Variants in UGT1A6 observed in about 807,000 individuals in gnomAD.
UGT1A6 encodes the protein UDP-glucuronosyltransferase 1A6.
UGT1A6 carries 32 observed loss-of-function variants against 44.4 expected under a neutral mutation model. That is an observed-to-expected ratio of 0.72 (90% CI 0.54 to 0.97). The LOEUF (loss-of-function observed/expected upper bound fraction) is 0.97, where lower values mean the gene tolerates loss of function less well. Ranked by LOEUF, UGT1A6 falls within the 50% of genes least tolerant of loss-of-function variation. The pLI is 0.00. For synonymous variants in UGT1A6, 238 were observed against 248.5 expected (o/e 0.96, Z 0.40); for missense variants, 685 against 661.9 (o/e 1.03, Z -0.38).
chr2:233,716,115 A>G (rs2076487299), intron 1 of UGT1A6, among the ~76,000 whole-genome samples: 1 of 152,126 alleles, frequency 6.6e-6, no homozygotes, highest in Non-Finnish European at 1.5e-5. Flanking sequence ...TAGTTTTTCC[A>G]TCTTAGTTTT....
At chr2:233,742,318 C>T (rs4663966) in intron 1 of UGT1A6, among the ~76,000 whole-genome samples, 10,868 of 151,974 alleles carry the variant, frequency 0.072, 603 homozygotes, top group East Asian at 0.2. Flanking sequence ...GTATTCCTTA[C>T]GGGAAACAAA....
intron 1 of UGT1A6, chr2:233,719,598 G>A (rs759062689): frequency 3.1e-6 from 5 of 1,613,992 alleles, no homozygotes; most frequent in Non-Finnish European, 2.5e-6. Flanking sequence ...GTTCCGAGGG[G>A]ACTTTGTGAT....
intron 1 of UGT1A6, chr2:233,743,825 T>G: frequency 7.3e-7 from 1 of 1,367,228 alleles, no homozygotes; most frequent in South Asian, 1.1e-5. Flanking sequence ...TTTGTCGGGG[T>G]GCCACTTGAG....
In UGT1A6 at chr2:233,693,101, C is replaced by A. The variant is rs1056441481; in HGVS notation, c.97C>A (p.Pro33Thr). The A allele has an allele frequency of 6.2e-7, 1 of 1,614,084 alleles. No individual in the cohort carries two copies. Among genetic ancestry groups the A allele is most frequent in the Non-Finnish European group, 8.5e-7 (1 of 1,180,024 alleles). Residue 33 changes from proline to threonine, a missense_variant, in exon 1 of 5, where the codon CCT becomes ACT. Coordinates refer to ENST00000305139, the MANE Select transcript of UGT1A6 (RefSeq NM_001072.4). ...MVVGDKLLVV[P>T]QDGSHWLSMK... ...TGTAGGTGACAAGCTGCTGGTGGTC[C>A]CTCAGGACGGAAGCCACTGGCTTAG...
chr2:233,701,326 A>G lies in UGT1A6; in HGVS notation c.861+7461A>G, dbSNP rs191744336. 5.9e-5 allele frequency among the ~76,000 whole-genome samples: 9 copies of G among 152,314 alleles called. No homozygotes were observed. The East Asian group carries it at 1.5e-3, about 26-fold the overall frequency. On this transcript the variant is annotated intron_variant, in intron 1 of 4. Transcript: ENST00000305139. ...TTCCACAATGGTTGAACTAGTTTACAGTCCCACCAACAGTGTAAAAGTTCT... is the reference window on the plus strand; with the variant it reads ...TTCCACAATGGTTGAACTAGTTTACGGTCCCACCAACAGTGTAAAAGTTCT...
At chr2:233,746,611 C>A (rs1265902828) in intron 1 of UGT1A6, among the ~76,000 whole-genome samples, 1 of 151,736 alleles carries the variant, frequency 6.6e-6, no homozygotes. Context: ...GTTCACCTGA[C>A]CCCTCCTTTC....
At chr2:233,748,043 G>C (rs1693846723) in intron 1 of UGT1A6, 13 of 1,613,298 alleles carry the variant, frequency 8.1e-6, no homozygotes, top group Non-Finnish European at 1.1e-5. Flanking sequence ...TCTTCATTGG[G>C]GGCATCAACT....
chr2:233,726,468 A>G (rs2077534050), intron 1 of UGT1A6, among the ~76,000 whole-genome samples: 1 of 152,184 alleles, frequency 6.6e-6, no homozygotes, highest in Non-Finnish European at 1.5e-5. Flanking sequence ...TCATTTCTTT[A>G]ACAGAAATTT....
At chr2:233,742,134 C>A (rs1691883024) in intron 1 of UGT1A6, among the ~76,000 whole-genome samples, 1 of 151,870 alleles carries the variant, frequency 6.6e-6, no homozygotes, top group South Asian at 2.1e-4. Context: ...AGACCCTAAC[C>A]CAGCAGCGCT....
intron 1 of UGT1A6, among the ~76,000 whole-genome samples, chr2:233,699,275 C>A (rs558468809): frequency 6.6e-6 from 1 of 152,208 alleles, no homozygotes; most frequent in East Asian, 1.9e-4. Flanking sequence ...GGCTTGAATC[C>A]AGGCCAGATG....
intron 1 of UGT1A6, among the ~76,000 whole-genome samples, chr2:233,731,469 T>C (rs1244110425): frequency 6.6e-6 from 1 of 152,156 alleles, no homozygotes; most frequent in Non-Finnish European, 1.5e-5. Context: ...TGGCGTGTGA[T>C]GTTCCCTGGC....
At chr2:233,708,468 C>T (rs1383966738) in intron 1 of UGT1A6, 1 of 152,162 alleles carries the variant, frequency 6.6e-6, no homozygotes, top group African/African-American at 2.4e-5. Context: ...ATTGATGCAA[C>T]TGGCTGAGCG....
intron 4 of UGT1A6, chr2:233,771,538 C>A (rs1369830347): frequency 1.3e-5 from 2 of 152,274 alleles, no homozygotes; most frequent in Non-Finnish European, 2.9e-5. Context: ...GGATTTGGCA[C>A]TTACAAATGG....
chr2:233,703,273 T>C (rs2075729887), intron 1 of UGT1A6, among the ~76,000 whole-genome samples: 1 of 152,226 alleles, frequency 6.6e-6, no homozygotes, highest in Non-Finnish European at 1.5e-5. Flanking sequence ...TTTCTGTTTC[T>C]GTAAGGTTGG....
chr2:233,697,882 A>T (rs28898578), intron 1 of UGT1A6, among the ~76,000 whole-genome samples: 1 of 152,322 alleles, frequency 6.6e-6, no homozygotes, highest in East Asian at 1.9e-4. Flanking sequence ...ATTTCTTACC[A>T]TTGATTGAAT....
chr2:233,695,432 CTTCT>C (rs1351238624), intron 1 of UGT1A6, among the ~76,000 whole-genome samples: 3 of 151,108 alleles, frequency 2.0e-5, no homozygotes, highest in Non-Finnish European at 1.5e-5. Flanking sequence ...CCTTCTTCTT[CTTCT>C]TTTTTTTTTG....
At chr2:233,770,241 C>G (rs1700043521) in intron 4 of UGT1A6, 1 of 152,162 alleles carries the variant, frequency 6.6e-6, no homozygotes, top group Non-Finnish European at 1.5e-5. Context: ...CTCCATGATT[C>G]CAACACTCTG....
intron 1 of UGT1A6, among the ~76,000 whole-genome samples, chr2:233,757,266 G>A (rs1402827144): frequency 1.5e-5 from 2 of 132,588 alleles, no homozygotes; most frequent in African/African-American, 5.6e-5. Context: ...GGTGGCAGCC[G>A]ATGCAATGAT....
chr2:233,694,469 T>A (rs138787625), intron 1 of UGT1A6, among the ~76,000 whole-genome samples: 8 of 152,338 alleles, frequency 5.3e-5, no homozygotes, highest in African/African-American at 1.9e-4. Context: ...AAAAGGGGTA[T>A]GGCCTCTGAC....
Sources: gnomAD v4.1 joint callset for allele counts (sites outside exome capture counted in the v4.1 genomes callset) on GRCh38, gnomAD v4.1.1 for gene constraint, MANE v1.5 for transcripts, NCBI Gene and HGNC (gene_info 2026-07-23, HGNC 2026-07-21) for gene names.